The following PFKFB2 variants were observed in gnomAD, a reference collection of about 807,000 sequenced individuals.
PFKFB2 encodes 6-phosphofructo-2-kinase/fructose-2,6-bisphosphatase 2.
A neutral mutation model predicts 68.0 loss-of-function variants in PFKFB2; 53 were observed. That is an observed-to-expected ratio of 0.78 (90% CI 0.63 to 0.98). PFKFB2 has a LOEUF of 0.98. Ranked by LOEUF, PFKFB2 falls within the 50% of genes least tolerant of loss-of-function variation. The pLI is 0.00. For missense variants in PFKFB2, 451 were observed against 642.0 expected (o/e 0.70, Z 3.22); for synonymous variants, 222 against 227.6 (o/e 0.98, Z 0.22).
chr1:207,055,222 G>C (rs1265640479), intron 2 of PFKFB2, among the ~76,000 whole-genome samples: 1 of 152,206 alleles, frequency 6.6e-6, no homozygotes, highest in Non-Finnish European at 1.5e-5. Flanking sequence ...AGAAATTGCA[G>C]ATGGGAGCCA....
At chr1:207,066,934 G>A (rs1201627186) in intron 8 of PFKFB2, among the ~76,000 whole-genome samples, 2 of 152,194 alleles carry the variant, frequency 1.3e-5, no homozygotes, top group Non-Finnish European at 2.9e-5. Flanking sequence ...TTACAGGCAT[G>A]AGCTACCGCA....
At chr1:207,035,144 A>G (rs1433385431) in intron 1 of PFKFB2, 2 of 985,308 alleles carry the variant, frequency 2.0e-6, no homozygotes, top group Non-Finnish European at 2.4e-6. Context: ...GTGGAAACTA[A>G]TTACAGCCCA....
chr1:207,039,151 T>C (rs1682433905), intron 1 of PFKFB2, among the ~76,000 whole-genome samples: 1 of 152,220 alleles, frequency 6.6e-6, no homozygotes, highest in South Asian at 2.1e-4. Flanking sequence ...TTTGGCAGTA[T>C]GTCAACATAA....
At chr1:207,049,654 G>A, upstream of PFKFB2, 1 of 1,614,188 alleles carries the variant, frequency 6.2e-7, no homozygotes, top group Non-Finnish European at 8.5e-7. Flanking sequence ...GTAACTAGAA[G>A]CACCACGTTT....
chr1:207,046,571 A>G (rs1209665706), intron 2 of PFKFB2: 1 of 152,136 alleles, frequency 6.6e-6, no homozygotes, highest in Non-Finnish European at 1.5e-5. Context: ...AGCAGACTAA[A>G]GAGTCATTTT....
At chr1:207,067,746 A>G (rs750835861) in intron 9 of PFKFB2, 40 bp downstream of exon 9, 1 of 1,487,412 alleles carries the variant, frequency 6.7e-7, no homozygotes, top group South Asian at 1.1e-5. Context: ...CTAGGCTTAG[A>G]GTTAGAAGGG....
At chr1:207,050,267 A>C (rs545256029), upstream of PFKFB2, among the ~76,000 whole-genome samples, 1 of 152,216 alleles carries the variant, frequency 6.6e-6, no homozygotes, top group Non-Finnish European at 1.5e-5. Flanking sequence ...TGTCAAACGA[A>C]GTATCTACGA....
At chr1:207,037,893 G>A (rs1473174207) in intron 1 of PFKFB2, among the ~76,000 whole-genome samples, 4 of 152,204 alleles carry the variant, frequency 2.6e-5, no homozygotes, top group Non-Finnish European at 5.9e-5. Context: ...AACTTATAGA[G>A]TTATTGTAAA....
chr1:207,058,037 C>T (rs547380874), intron 2 of PFKFB2, among the ~76,000 whole-genome samples: 1 of 152,302 alleles, frequency 6.6e-6, no homozygotes, highest in East Asian at 1.9e-4. Flanking sequence ...AATTTGCTCT[C>T]CTAAGAAGTT....
intron 2 of PFKFB2, among the ~76,000 whole-genome samples, chr1:207,043,526 C>T (rs78819617): frequency 6.6e-6 from 1 of 152,246 alleles, no homozygotes; most frequent in African/African-American, 2.4e-5. Context: ...TCAAACAGAT[C>T]TAAGTTCACA....
At chr1:207,071,678 A>C in intron 14 of PFKFB2, 105 bp downstream of exon 14, 1 of 809,478 alleles carries the variant, frequency 1.2e-6, no homozygotes, top group Non-Finnish European at 2.1e-6. Flanking sequence ...AAAGGGAAAC[A>C]GATTCAGAAC....
rs192175681 is a variant in PFKFB2 at position 207,072,090 on chromosome 1, T to A, written c.1351-114T>A. On this transcript the variant is annotated intron_variant, in intron 14 of 14. Transcript: ENST00000367080. ...GCCATGCCCTGTGAGGGACCCTGTG[T>A]GCAGAGGAGCAGGAGTGAGGGAAGC... 191 of 1,522,372 alleles carry A rather than the reference T, an allele frequency of 1.3e-4. 2 individuals are homozygous for A. The East Asian group carries it at 4.1e-3, about 32-fold the overall frequency. The allele number at this position is 1,522,372 out of a possible 1,614,324, so 94.3% of individuals were successfully genotyped here.
upstream of PFKFB2, chr1:207,049,868 A>T: frequency 1.4e-6 from 1 of 718,236 alleles, no homozygotes; most frequent in Non-Finnish European, 2.2e-6. Flanking sequence ...CAAGTAAGTT[A>T]CCAGTAAGAA....
chr1:207,050,582 C>G (rs186192051), upstream of PFKFB2: 87 of 1,488,118 alleles, frequency 5.8e-5, no homozygotes, highest in East Asian at 2.3e-4. Context: ...GCCTCAAAGC[C>G]CCCCCGCCGA....
chr1:207,067,651 T>C lies in PFKFB2; in HGVS notation c.785T>C (p.Phe262Ser). Residue 262 changes from phenylalanine to serine, a missense_variant, in exon 9 of 15, where the codon TTC becomes TCC. Physicochemically the swap from Phe to Ser is radical, Grantham distance 155. Transcript: ENST00000367080. ...CTTTGCCGGCATGGAGAAAGCGAGT[T>C]CAATCTCTTGGGGAAGATTGGGGGT... ...IYLCRHGESE[F>S]NLLGKIGGDS... 1 of 1,613,788 alleles carries C rather than the reference T, an allele frequency of 6.2e-7. No homozygotes were observed.
rs1228073037 is a variant in PFKFB2 at position 207,075,787 on chromosome 1, G to T, written c.*3416G>T. 1.0e-6 allele frequency: 1 copy of T among 984,534 alleles called. No homozygotes were observed. The highest frequency in any genetic ancestry group is 1.7e-5 in the African/African-American group (1 of 57,176). The allele number at this position is 984,534 out of a possible 1,614,324, so 61.0% of individuals were successfully genotyped here. On this transcript the variant is annotated 3_prime_UTR_variant, in exon 15 of 15. Coordinates refer to ENST00000367080, the MANE Select transcript of PFKFB2 (RefSeq NM_006212.2). ...ATTTACTTGTCTAAAGTGGGGAAAGGGAAATTATTCTGTTTTCTTATTCTT... is the reference window on the plus strand; with the variant it reads ...ATTTACTTGTCTAAAGTGGGGAAAGTGAAATTATTCTGTTTTCTTATTCTT...
At chr1:207,050,830 G>A (rs755970691), upstream of PFKFB2, 1 of 1,613,078 alleles carries the variant, frequency 6.2e-7, no homozygotes, top group Admixed American at 1.7e-5. Flanking sequence ...CCCGCACCCG[G>A]GTCCGGCTGG....
chr1:207,058,139 T>C (rs190276601), intron 2 of PFKFB2, among the ~76,000 whole-genome samples: 35 of 152,380 alleles, frequency 2.3e-4, no homozygotes, highest in Non-Finnish European at 7.3e-5. Context: ...AAACATCAGC[T>C]TTCTTAGTGT....
At chr1:207,078,992 C>T (rs201044693), downstream of PFKFB2, 125 of 1,612,084 alleles carry the variant, frequency 7.8e-5, no homozygotes, top group Middle Eastern at 3.3e-4. Flanking sequence ...GACGCCCCTC[C>T]GCAGCGTCCC....
Sources: gnomAD v4.1 joint callset for allele counts (sites outside exome capture counted in the v4.1 genomes callset) on GRCh38, gnomAD v4.1.1 for gene constraint, MANE v1.5 for transcripts, NCBI Gene and HGNC (gene_info 2026-07-23, HGNC 2026-07-21) for gene names.